The following PAX9 variants were observed in gnomAD, a reference collection of about 807,000 sequenced individuals.
PAX9 encodes the protein paired box 9.
In PAX9, 6 loss-of-function variants were observed where a neutral mutation model predicts 29.1. The observed-to-expected ratio is 0.21, with a 90% CI of 0.11 to 0.41. PAX9 has a LOEUF of 0.41. PAX9 is among the 10% of genes least tolerant of loss of function. The probability of loss-of-function intolerance (pLI) is 1.00; values close to 1 mark genes in which losing one functional copy is unlikely to be tolerated. For missense variants in PAX9, 443 were observed against 479.1 expected (o/e 0.92, Z 0.70); for synonymous variants, 217 against 211.7 (o/e 1.03, Z -0.22).
At chr14:36,667,041 C>T (rs780214422) in intron 3 of PAX9, among the ~76,000 whole-genome samples, 6 of 152,218 alleles carry the variant, frequency 3.9e-5, no homozygotes, top group Non-Finnish European at 7.3e-5. Context: ...GCGAAACGCG[C>T]GCCCCGGGTC....
At chr14:36,669,884 T>C (rs1663485417) in intron 3 of PAX9, among the ~76,000 whole-genome samples, 2 of 152,092 alleles carry the variant, frequency 1.3e-5, no homozygotes, top group African/African-American at 4.8e-5. Context: ...TTTGGCTTTT[T>C]TATACCCACA....
upstream of PAX9, among the ~76,000 whole-genome samples, chr14:36,659,910 C>T (rs1347951676): frequency 6.6e-6 from 1 of 152,198 alleles, no homozygotes; most frequent in African/African-American, 2.4e-5. Flanking sequence ...CCCAGACCCC[C>T]CGCGGGACAT....
At chr14:36,660,353 G>A (rs1881210957), upstream of PAX9, among the ~76,000 whole-genome samples, 1 of 152,186 alleles carries the variant, frequency 6.6e-6, no homozygotes, top group South Asian at 2.1e-4. Context: ...AACAAAAAGG[G>A]ACAAGTTCAA....
chr14:36,673,530 C>CAGGGGGGACATCTCTGGGCAAAAAG, intron 3 of PAX9, among the ~76,000 whole-genome samples: 1 of 152,106 alleles, frequency 6.6e-6, no homozygotes, highest in South Asian at 2.1e-4. Context: ...GGCCATCTTC[C>CAGGGGGGACATCTCTGGGCAAAAAG]AAGTGGGTCC....
intron 3 of PAX9, among the ~76,000 whole-genome samples, chr14:36,673,162 G>A (rs569498999): frequency 2.6e-5 from 4 of 151,900 alleles, no homozygotes; most frequent in South Asian, 4.2e-4. Context: ...CACCGTGCCC[G>A]GCCGCCTTTT....
intron 1 of PAX9, 138 bp downstream of exon 1, chr14:36,662,231 T>C (rs910429400): frequency 4.9e-6 from 5 of 1,024,226 alleles, no homozygotes; most frequent in Admixed American, 3.0e-5. Flanking sequence ...CTCGTGTTCC[T>C]ACAAGTTGTA....
At chr14:36,663,578 G>T (rs1185827456) in intron 2 of PAX9, 55 bp downstream of exon 2, 5 of 1,605,082 alleles carry the variant, frequency 3.1e-6, no homozygotes, top group South Asian at 1.1e-5. Flanking sequence ...CCGCACTCTC[G>T]CGGAGGTCCC....
chr14:36,662,788 G>T (rs12883298), intron 1 of PAX9, 109 bp from the exon 2 acceptor site: 47 of 1,356,274 alleles, frequency 3.5e-5, no homozygotes, highest in East Asian at 6.9e-5. Context: ...GTAGTTAGTA[G>T]GGGACGGGTG....
chr14:36,669,157 A>T (rs1445335249), intron 3 of PAX9, among the ~76,000 whole-genome samples: 1 of 152,320 alleles, frequency 6.6e-6, no homozygotes, highest in East Asian at 1.9e-4. Flanking sequence ...AATGTTGAAG[A>T]TGTGCCAAGT....
chr14:36,676,168 T>G (rs775340674), intron 3 of PAX9, 30 bp from the exon 4 acceptor site: 2 of 1,613,012 alleles, frequency 1.2e-6, no homozygotes, highest in Middle Eastern at 3.3e-4. Context: ...ATAATGTGAT[T>G]ATTTTTCACT....
In PAX9 at chr14:36,678,950, A is replaced by C. The variant is rs149325199; in HGVS notation, c.*2498A>C. ...AGGATGGATTAAAGGGTTAACTTTT[A>C]AAGATTATTATTGGTTAATGTTGAC... is the stretch of plus-strand genomic sequence containing the variant. On this transcript the variant is annotated 3_prime_UTR_variant, in exon 4 of 4. Transcript: ENST00000361487. 170 of 982,078 alleles carry C rather than the reference A, an allele frequency of 1.7e-4. 2 individuals carry two copies. The East Asian group carries it at 0.017, about 98-fold the overall frequency. The allele number at this position is 982,078 out of a possible 1,614,324, so 60.8% of individuals were successfully genotyped here. A position where few individuals can be genotyped will look rare whatever the true frequency, so the allele number is the denominator to read the frequency against.
At chr14:36,660,283 C>A (rs148920703), upstream of PAX9, among the ~76,000 whole-genome samples, 215 of 152,262 alleles carry the variant, frequency 1.4e-3, no homozygotes, top group African/African-American at 5.0e-3. Context: ...GGAGGTCAGA[C>A]CAGGCTGAAA....
chr14:36,663,553 G>GT (rs1453615715), intron 2 of PAX9, 30 bp downstream of exon 2: 5 of 1,612,108 alleles, frequency 3.1e-6, no homozygotes, highest in Non-Finnish European at 4.2e-6. Context: ...GCGTGTGGAT[G>GT]TGCAGCGTCT....
rs1182001524 is a variant in PAX9, at chr14:36,678,726, GTTA to G, written c.*2277_*2279del. 6 of 1,188,044 alleles carry G rather than the reference GTTA, an allele frequency of 5.1e-6. No homozygotes were observed. The highest frequency in any genetic ancestry group is 4.7e-5 in the African/African-American group (3 of 63,650). 73.6% of individuals were successfully genotyped at this position (1,188,044 alleles called of 1,614,324 possible). ...CTTTATCTAAATTAAGAAATCTCTTGTTATTGTGCTATTTATAATTTTTTTCTG... is the reference window on the plus strand; with the variant it reads ...CTTTATCTAAATTAAGAAATCTCTTGTTGTGCTATTTATAATTTTTTTCTG... On this transcript the variant is annotated 3_prime_UTR_variant, in exon 4 of 4. Transcript: ENST00000361487.
In PAX9 at chr14:36,678,629, G is replaced by T; in HGVS notation, c.*2177G>T. 7.7e-7 allele frequency: 1 copy of T among 1,291,168 alleles called. No homozygotes were observed. The highest frequency in any genetic ancestry group is 9.8e-7 in the Non-Finnish European group (1 of 1,018,386). The allele number at this position is 1,291,168 out of a possible 1,614,324, so 80.0% of individuals were successfully genotyped here. On this transcript the variant is annotated 3_prime_UTR_variant, in exon 4 of 4. Coordinates refer to ENST00000361487, the MANE Select transcript of PAX9 (RefSeq NM_001372076.1). ...GGTACAGAACTATTCTTTATCAAAT[G>T]TTTTTAGGTGGCTGTTAGGGGGCTT...
upstream of PAX9, among the ~76,000 whole-genome samples, chr14:36,659,942 C>T (rs1199424080): frequency 1.3e-5 from 2 of 152,150 alleles, no homozygotes; most frequent in Non-Finnish European, 2.9e-5. Context: ...TGTTCGTATG[C>T]GAACATCCTT....
Position 36,678,926 on chromosome 14 carries a change from G to A in PAX9, c.*2474G>A, listed in dbSNP as rs1882045285. The A allele has an allele frequency of 1.0e-6, 1 of 979,356 alleles. No individual in the cohort carries two copies. The highest frequency in any genetic ancestry group is 6.1e-5 in the Admixed American group (1 of 16,418). The allele number at this position is 979,356 out of a possible 1,614,324, so 60.7% of individuals were successfully genotyped here. ...TTTTTAAAATACGAGAAGGAAAATA[G>A]GATGGATTAAAGGGTTAACTTTTAA... On this transcript the variant is annotated 3_prime_UTR_variant, in exon 4 of 4. Transcript: ENST00000361487.
At chr14:36,661,153 G>A (rs1326942313), upstream of PAX9, among the ~76,000 whole-genome samples, 1 of 152,254 alleles carries the variant, frequency 6.6e-6, no homozygotes, top group African/African-American at 2.4e-5. Context: ...AGCGTTAGCC[G>A]CCTGTGGTTC....
upstream of PAX9, chr14:36,661,789 C>T (rs1051751949): frequency 3.9e-6 from 2 of 512,438 alleles, no homozygotes; most frequent in Non-Finnish European, 6.9e-6. Flanking sequence ...CACCATGCAG[C>T]TTGCCCTCGG....
Sources: allele counts gnomAD v4.1 joint callset (sites outside exome capture counted in the v4.1 genomes callset), GRCh38; gene constraint gnomAD v4.1.1; transcripts MANE v1.5; gene names NCBI Gene and HGNC (gene_info 2026-07-23, HGNC 2026-07-21).